The following KCNIP2 variants were observed in gnomAD, a reference collection of about 807,000 sequenced individuals.
KCNIP2 encodes potassium voltage-gated channel interacting protein 2.
In KCNIP2, 19 loss-of-function variants were observed where a neutral mutation model predicts 39.0. The ratio of observed to expected loss-of-function variants is 0.49; its 90% CI spans 0.34 to 0.71. The LOEUF (loss-of-function observed/expected upper bound fraction) is 0.71. Among genes scored for constraint, KCNIP2 ranks in the 30% least tolerant of loss-of-function variants. The pLI, the probability that KCNIP2 is intolerant of heterozygous loss-of-function variation, is 0.01. For missense variants in KCNIP2, 261 were observed against 346.0 expected (o/e 0.75, Z 1.95); for synonymous variants, 111 against 131.2 (o/e 0.85, Z 1.05).
chr10:101,830,351 C>A, intron 2 of KCNIP2: 1 of 1,222,192 alleles, frequency 8.2e-7, no homozygotes, highest in Non-Finnish European at 1.1e-6. Flanking sequence ...CCTGTCGGGG[C>A]ATAGGCAACA....
At chr10:101,842,260 C>T (rs1446310536) in intron 1 of KCNIP2, among the ~76,000 whole-genome samples, 1 of 152,150 alleles carries the variant, frequency 6.6e-6, no homozygotes, top group Non-Finnish European at 1.5e-5. Flanking sequence ...GAAATGTACC[C>T]AGGGTGACAC....
At position 101,843,547 on chromosome 10, in the gene KCNIP2, C is replaced by T. The variant is rs764939924; in HGVS notation, c.22G>A (p.Glu8Lys). The T allele has an allele frequency of 5.1e-6, 8 of 1,566,022 alleles. No individual in the cohort carries two copies. The African/African-American group carries it at 5.6e-5, about 11-fold the overall frequency. The change falls in exon 1 of 10, where the codon GAG (glutamate) becomes AAG (lysine). Residue 8 changes from glutamate (E) to lysine (K), a missense_variant. Glu to Lys is a moderately conservative substitution (Grantham distance 56). Transcript: ENST00000356640. The surrounding 1 kb of genome is among the most constrained non-coding windows in gnomAD (Gnocchi z 6.7). MRGQGRK[E>K]SLSDSRDLDG... The stretch of plus-strand genomic sequence containing the variant: ...AGGTCTCGGGAATCGGACAAACTCT[C>T]CTTGCGGCCCTGGCCCCGCATGGCC...
At chr10:101,835,460 G>A (rs888957302) in intron 1 of KCNIP2, among the ~76,000 whole-genome samples, 1 of 152,138 alleles carries the variant, frequency 6.6e-6, no homozygotes, top group Non-Finnish European at 1.5e-5. Flanking sequence ...TGGGAGAGGA[G>A]GGGGGACTGT....
Position 101,843,667 on chromosome 10 carries a change from T to A in KCNIP2, c.-99A>T. 1 of 612,478 alleles carries A rather than the reference T, an allele frequency of 1.6e-6. No individual in the cohort carries two copies. The highest frequency in any genetic ancestry group is 2.6e-6 in the Non-Finnish European group (1 of 381,388). 37.9% of individuals were successfully genotyped at this position (612,478 alleles called of 1,614,324 possible). A position where few individuals can be genotyped will look rare whatever the true frequency, so the allele number is the denominator to read the frequency against. On this transcript the variant is annotated 5_prime_UTR_variant, in exon 1 of 10. Coordinates refer to ENST00000356640, the MANE Select transcript of KCNIP2 (RefSeq NM_173191.3). The surrounding 1 kb of genome is among the most constrained non-coding windows in gnomAD (Gnocchi z 6.7). The stretch of plus-strand genomic sequence containing the variant: ...CGCCCCCTGGCGGCCTACTGTGCTG[T>A]CGGGGCTGGGGAAGTCCGGGCTGAG...
chr10:101,827,717 A>G lies in KCNIP2; in HGVS notation c.737T>C (p.Ile246Thr), dbSNP rs374874936. ...MDRNKDGVVT[I>T]EEFIESCQKD... ...TTGACAAGACTCAATGAATTCCTCA[A>G]TGGTCACCACACCATCCTTGTTTCT... is the stretch of plus-strand genomic sequence containing the variant. The change falls in exon 9 of 10, where the codon ATT (isoleucine) becomes ACT (threonine). Residue 246 changes from isoleucine (I) to threonine (T), a missense_variant. Coordinates refer to ENST00000356640, the MANE Select transcript of KCNIP2 (RefSeq NM_173191.3). The G allele has an allele frequency of 3.7e-6, 6 of 1,613,880 alleles. No individual in the cohort carries two copies. Among genetic ancestry groups the G allele is most frequent in the Non-Finnish European group, 4.2e-6 (5 of 1,179,874 alleles).
intron 1 of KCNIP2, among the ~76,000 whole-genome samples, chr10:101,842,434 G>C (rs1564676453): frequency 6.6e-6 from 1 of 152,364 alleles, no homozygotes; most frequent in Middle Eastern, 3.4e-3. Flanking sequence ...CCCAGGCCTA[G>C]AGCTTCTAGC....
At chr10:101,839,323 GT>G (rs576667386) in intron 1 of KCNIP2, among the ~76,000 whole-genome samples, 225 of 152,294 alleles carry the variant, frequency 1.5e-3, no homozygotes, top group African/African-American at 4.9e-3. Flanking sequence ...CCATCTCAGG[GT>G]TTTTTCCTTC....
chr10:101,842,307 C>T (rs2135218410), intron 1 of KCNIP2, among the ~76,000 whole-genome samples: 1 of 152,358 alleles, frequency 6.6e-6, no homozygotes, highest in South Asian at 2.1e-4. Context: ...TCCTACCAAA[C>T]CCAGGAACAT....
chr10:101,843,467 C>T lies in KCNIP2; in HGVS notation c.73+29G>A, dbSNP rs902999414. On this transcript the variant is annotated intron_variant, in intron 1 of 9. Coordinates refer to ENST00000356640, the MANE Select transcript of KCNIP2 (RefSeq NM_173191.3). This position sits in a 1 kb window ranked among gnomAD's most constrained non-coding sequence, Gnocchi z 6.7. ...TCTGGAGGAATGGAATCCACCCTCC[C>T]TCCCGCGACCCCCACGTCACTGACT... The T allele has an allele frequency of 1.4e-6, 2 of 1,474,074 alleles. No homozygotes were observed. The highest frequency in any genetic ancestry group is 1.8e-6 in the Non-Finnish European group (2 of 1,095,958). The allele number at this position is 1,474,074 out of a possible 1,614,324, so 91.3% of individuals were successfully genotyped here.
chr10:101,830,400 C>G (rs1451224856), intron 2 of KCNIP2: 2 of 1,285,628 alleles, frequency 1.6e-6, no homozygotes, highest in Admixed American at 4.9e-5. Context: ...AAGGGGGCGG[C>G]CGCACGGAGT....
chr10:101,831,034 T>C (rs889596261), intron 2 of KCNIP2, 38 bp downstream of exon 2: 10 of 1,560,864 alleles, frequency 6.4e-6, no homozygotes, highest in Non-Finnish European at 8.8e-6. Context: ...CACGCACACA[T>C]CGAGCCCCGC....
Position 101,828,113 on chromosome 10 carries a change from C to G in KCNIP2, c.597+38G>C. On this transcript the variant is annotated intron_variant, in intron 7 of 9. Transcript: ENST00000356640. This position sits in a 1 kb window ranked among gnomAD's most constrained non-coding sequence, Gnocchi z 6.6. The stretch of plus-strand genomic sequence containing the variant: ...ATCACCCTCTGCACGCCACCCCCAT[C>G]ACCGCCACAGACCCCCAGCCCTTCA... 2 of 1,590,236 alleles carry G rather than the reference C, an allele frequency of 1.3e-6. No individual in the cohort carries two copies. The highest frequency in any genetic ancestry group is 8.6e-7 in the Non-Finnish European group (1 of 1,158,388).
intron 1 of KCNIP2, among the ~76,000 whole-genome samples, chr10:101,840,479 G>A (rs988573474): frequency 6.6e-6 from 1 of 151,260 alleles, no homozygotes; most frequent in Non-Finnish European, 1.5e-5. Flanking sequence ...TGTTTGTCTC[G>A]GTGCGGCAGG....
intron 1 of KCNIP2, among the ~76,000 whole-genome samples, chr10:101,840,027 T>G (rs1444180478): frequency 3.3e-5 from 4 of 119,870 alleles, no homozygotes; most frequent in Non-Finnish European, 4.9e-5. Context: ...GGCCCCATCA[T>G]GTGAAGCAGC....
At chr10:101,840,238 T>C (rs1257437103) in intron 1 of KCNIP2, among the ~76,000 whole-genome samples, 2 of 144,776 alleles carry the variant, frequency 1.4e-5, no homozygotes, top group Admixed American at 6.9e-5. Flanking sequence ...GTCGCACTCC[T>C]CCCCGCACCC....
At chr10:101,840,215 C>A (rs1037231895) in intron 1 of KCNIP2, among the ~76,000 whole-genome samples, 1 of 152,000 alleles carries the variant, frequency 6.6e-6, no homozygotes, top group South Asian at 2.1e-4. Context: ...TTTCAGCCCC[C>A]CTTTCTCCGC....
At position 101,843,427 on chromosome 10, in the gene KCNIP2, G is replaced by A; in HGVS notation, c.73+69C>T. 3.8e-6 allele frequency: 4 copies of A among 1,051,402 alleles called. No homozygotes were observed. The highest frequency in any genetic ancestry group is 2.2e-5 in the South Asian group (1 of 46,096). 65.1% of individuals were successfully genotyped at this position (1,051,402 alleles called of 1,614,324 possible). ...TGTGGGTGCGGGCCAGGCCGGGGTC[G>A]GAGAGGCGGAAGGGTCTGGAGGAAT... is the stretch of plus-strand genomic sequence containing the variant. On this transcript the variant is annotated intron_variant, in intron 1 of 9. Transcript: ENST00000356640. The surrounding 1 kb of genome is among the most constrained non-coding windows in gnomAD (Gnocchi z 6.7).
rs1234493555 is a variant in KCNIP2, at chr10:101,826,224, TG to T, written c.*1128del. 6.6e-6 allele frequency: 1 copy of T among 152,354 alleles called. No individual in the cohort carries two copies. Among genetic ancestry groups the T allele is most frequent in the Non-Finnish European group, 1.5e-5 (1 of 68,016 alleles). 9.4% of individuals were successfully genotyped at this position (152,354 alleles called of 1,614,324 possible). ...GGTCCTATGGTCCCTGCCCTCTAGG[TG>T]TGCTAAGGGGCATCTCTGGGTAGAT... On this transcript the variant is annotated 3_prime_UTR_variant, in exon 10 of 10. Transcript: ENST00000356640.
chr10:101,831,231 C>T (rs1337439732), intron 1 of KCNIP2, 64 bp from the exon 2 acceptor site: 2 of 1,241,960 alleles, frequency 1.6e-6, no homozygotes, highest in Non-Finnish European at 2.2e-6. Context: ...TCCCTGTCCC[C>T]TCCCCGCCAG....
Sources: allele counts gnomAD v4.1 joint callset (sites outside exome capture counted in the v4.1 genomes callset), GRCh38; gene constraint gnomAD v4.1.1; non-coding constraint Gnocchi (gnomAD v3.1); transcripts MANE v1.5; gene names NCBI Gene and HGNC (gene_info 2026-07-23, HGNC 2026-07-21).